The following ASIP variants were observed in gnomAD, a reference collection of about 807,000 sequenced individuals.
ASIP encodes the protein agouti-signaling protein.
A neutral mutation model predicts 10.3 loss-of-function variants in ASIP; 11 were observed. That is an observed-to-expected ratio of 1.07 (90% confidence interval 0.68 to 1.78). ASIP has a LOEUF of 1.78. ASIP is among the 40% of genes most tolerant of loss of function. The probability of loss-of-function intolerance (pLI) is 0.00; values close to 1 mark genes in which losing one functional copy is unlikely to be tolerated. For missense variants in ASIP, 180 were observed against 169.2 expected (o/e 1.06, Z -0.35); for synonymous variants, 70 against 70.8 (o/e 0.99, Z 0.06).
At chr20:34,209,909 C>A (rs2034962477) in intron 1 of ASIP, among the ~76,000 whole-genome samples, 1 of 152,176 alleles carries the variant, frequency 6.6e-6, no homozygotes, top group African/African-American at 2.4e-5. Flanking sequence ...ATAGTGGTGC[C>A]TTTTCCCAGC....
intron 1 of ASIP, among the ~76,000 whole-genome samples, chr20:34,227,629 C>CA (rs1207391194): frequency 0.21 from 17,288 of 82,396 alleles, 3,785 homozygotes; most frequent in African/African-American, 0.53. Context: ...GGCTCCATCT[C>CA]AAAAAAAAAA....
intron 1 of ASIP, 42 bp from the exon 2 acceptor site, chr20:34,260,323 C>A (rs370365642): frequency 8.2e-6 from 13 of 1,583,840 alleles, no homozygotes; most frequent in Admixed American, 5.1e-5. Flanking sequence ...CTTACCATTA[C>A]CCCTGACCCA....
intron 1 of ASIP, among the ~76,000 whole-genome samples, chr20:34,205,788 A>G (rs769658726): frequency 4.1e-5 from 6 of 145,808 alleles, no homozygotes; most frequent in Non-Finnish European, 7.4e-5. Context: ...GCTAGACAAA[A>G]AAGTTCTCCA....
intron 1 of ASIP, among the ~76,000 whole-genome samples, chr20:34,244,056 C>A (rs1434144309): frequency 6.6e-6 from 1 of 152,166 alleles, no homozygotes; most frequent in Non-Finnish European, 1.5e-5. Context: ...CAGAGTGAGA[C>A]TCCATCTCAA....
At chr20:34,210,355 C>T (rs2034966442) in intron 1 of ASIP, among the ~76,000 whole-genome samples, 2 of 152,228 alleles carry the variant, frequency 1.3e-5, no homozygotes, top group South Asian at 4.1e-4. Context: ...TTCTGGGAGC[C>T]ACCACATTCC....
At chr20:34,203,874 C>T (rs2034917239) in intron 1 of ASIP, among the ~76,000 whole-genome samples, 1 of 152,156 alleles carries the variant, frequency 6.6e-6, no homozygotes, top group Non-Finnish European at 1.5e-5. Flanking sequence ...CAGGCACACG[C>T]CACCATACCC....
intron 1 of ASIP, among the ~76,000 whole-genome samples, chr20:34,201,785 G>T (rs1045015028): frequency 1.3e-5 from 2 of 152,182 alleles, no homozygotes; most frequent in Non-Finnish European, 2.9e-5. Flanking sequence ...AGATACTGGT[G>T]ACCTAAGCTA....
intron 1 of ASIP, among the ~76,000 whole-genome samples, chr20:34,206,159 A>AT (rs1186607915): frequency 8.6e-5 from 13 of 151,028 alleles, no homozygotes; most frequent in South Asian, 2.1e-4. Flanking sequence ...TACCAAGATA[A>AT]TTTTTTTTTG....
At chr20:34,236,415 G>A (rs749253545) in intron 1 of ASIP, among the ~76,000 whole-genome samples, 29 of 152,148 alleles carry the variant, frequency 1.9e-4, no homozygotes, top group African/African-American at 4.1e-4. Context: ...ATGGTGGTGC[G>A]TGTCTGTAAT....
At chr20:34,223,603 C>T (rs2035070550) in intron 1 of ASIP, among the ~76,000 whole-genome samples, 1 of 136,794 alleles carries the variant, frequency 7.3e-6, no homozygotes, top group Non-Finnish European at 1.5e-5. Flanking sequence ...GTGGGGGGGT[C>T]AGCCCCCCGC....
At chr20:34,240,460 T>G (rs557247346), upstream of ASIP, among the ~76,000 whole-genome samples, 104 of 152,362 alleles carry the variant, frequency 6.8e-4, no homozygotes, top group African/African-American at 2.4e-3. Flanking sequence ...ACCAACTAAG[T>G]AAGGAGAAGA....
At chr20:34,214,589 C>G (rs2034995370) in intron 1 of ASIP, 1 of 1,351,944 alleles carries the variant, frequency 7.4e-7, no homozygotes, top group East Asian at 2.3e-5. Flanking sequence ...ACTCTGCGAA[C>G]AGAGGCCAGT....
chr20:34,220,442 A>C (rs890057147), intron 1 of ASIP, among the ~76,000 whole-genome samples: 4 of 152,090 alleles, frequency 2.6e-5, no homozygotes, highest in African/African-American at 9.7e-5. Flanking sequence ...ACAAAAATAC[A>C]AAAATTAGCC....
upstream of ASIP, among the ~76,000 whole-genome samples, chr20:34,236,807 A>C (rs927778412): frequency 3.3e-5 from 5 of 152,320 alleles, no homozygotes; most frequent in Admixed American, 3.3e-4. Flanking sequence ...TGCCTGGGAA[A>C]ATCTTCTTGA....
At chr20:34,204,008 GC>G (rs1202080728) in intron 1 of ASIP, among the ~76,000 whole-genome samples, 1 of 152,200 alleles carries the variant, frequency 6.6e-6, no homozygotes. Context: ...ACAGGCGTGA[GC>G]CACCACGCCC....
At chr20:34,248,293 A>C (rs2035414468) in intron 1 of ASIP, among the ~76,000 whole-genome samples, 1 of 152,194 alleles carries the variant, frequency 6.6e-6, no homozygotes, top group African/African-American at 2.4e-5. Flanking sequence ...ATGACATCTC[A>C]ATATTACAAC....
At chr20:34,223,312 C>G (rs1353575873) in intron 1 of ASIP, among the ~76,000 whole-genome samples, 2 of 151,126 alleles carry the variant, frequency 1.3e-5, no homozygotes, top group Admixed American at 1.3e-4. Context: ...CGCCTCTGCC[C>G]GGCCGAGACC....
At chr20:34,235,992 GA>G (rs1327425614) in intron 1 of ASIP, among the ~76,000 whole-genome samples, 1 of 100,376 alleles carries the variant, frequency 1.0e-5, no homozygotes, top group African/African-American at 7.2e-5. Context: ...AGGAAAGAAG[GA>G]AGGAAGGAGA....
intron 1 of ASIP, among the ~76,000 whole-genome samples, chr20:34,236,287 C>T (rs2035209591): frequency 6.6e-6 from 1 of 152,182 alleles, no homozygotes; most frequent in African/African-American, 2.4e-5. Context: ...CGCCTATAAT[C>T]CCAGCACTTT....
Sources: gnomAD v4.1 joint callset for allele counts (sites outside exome capture counted in the v4.1 genomes callset) on GRCh38, gnomAD v4.1.1 for gene constraint, MANE v1.5 for transcripts, NCBI Gene and HGNC (gene_info 2026-07-23, HGNC 2026-07-21) for gene names.